The following GRID2 variants were observed in gnomAD, a reference collection of about 807,000 sequenced individuals.
The protein encoded by GRID2 is glutamate receptor ionotropic, delta-2.
GRID2 carries 33 observed loss-of-function variants against 114.8 expected under a neutral mutation model. That is an observed-to-expected ratio of 0.29 (90% CI 0.22 to 0.38). GRID2 has a LOEUF of 0.38. Ranked by LOEUF, GRID2 falls within the 10% of genes least tolerant of loss-of-function variation. The pLI, the probability that GRID2 is intolerant of heterozygous loss-of-function variation, is 1.00. For synonymous variants in GRID2, 505 were observed against 449.9 expected (o/e 1.12, Z -1.55); for missense variants, 1,184 against 1,257.7 (o/e 0.94, Z 0.89).
downstream of GRID2, among the ~76,000 whole-genome samples, chr4:93,778,135 A>G (rs546676324): frequency 3.9e-5 from 6 of 152,300 alleles, no homozygotes; most frequent in Non-Finnish European, 7.4e-5. Flanking sequence ...ACAAAAATTC[A>G]AGTTATCTAA....
chr4:93,238,524 C>A, intron 8 of GRID2, 34 bp downstream of exon 8: 1 of 1,584,720 alleles, frequency 6.3e-7, no homozygotes, highest in South Asian at 1.1e-5. Context: ...TACGCTTTTT[C>A]CTATACTATG....
At chr4:92,695,145 T>C (rs969607904) in intron 2 of GRID2, among the ~76,000 whole-genome samples, 12 of 152,030 alleles carry the variant, frequency 7.9e-5, no homozygotes, top group African/African-American at 1.9e-4. Flanking sequence ...TTTTATATTT[T>C]TGTAGAGACA....
intron 2 of GRID2, among the ~76,000 whole-genome samples, chr4:93,064,944 C>T (rs973473795): frequency 5.3e-5 from 8 of 151,620 alleles, no homozygotes; most frequent in Non-Finnish European, 1.0e-4. Context: ...ATAGATTTGG[C>T]GAATCATTCT....
At chr4:93,651,846 C>A (rs1313489162) in intron 14 of GRID2, among the ~76,000 whole-genome samples, 1 of 152,086 alleles carries the variant, frequency 6.6e-6, no homozygotes. Context: ...GGAGCTATAG[C>A]TTTGAACTAT....
intron 2 of GRID2, among the ~76,000 whole-genome samples, chr4:92,671,298 C>A (rs1168317548): frequency 2.6e-5 from 4 of 151,994 alleles, no homozygotes; most frequent in African/African-American, 7.2e-5. Flanking sequence ...TCCCATGATC[C>A]AAACACCTCC....
intron 2 of GRID2, among the ~76,000 whole-genome samples, chr4:92,751,864 T>G (rs1275083887): frequency 6.6e-6 from 1 of 152,228 alleles, no homozygotes; most frequent in Non-Finnish European, 1.5e-5. Flanking sequence ...GAGTCTAATC[T>G]GAAATATCCT....
intron 8 of GRID2, among the ~76,000 whole-genome samples, chr4:93,296,533 G>C (rs1754329831): frequency 6.6e-6 from 1 of 152,120 alleles, no homozygotes; most frequent in African/African-American, 2.4e-5. Context: ...AGCAGCTGAG[G>C]CAAGGGTGGG....
intron 1 of GRID2, among the ~76,000 whole-genome samples, chr4:92,492,241 G>A (rs1317022817): frequency 2.0e-5 from 3 of 152,050 alleles, no homozygotes; most frequent in Non-Finnish European, 2.9e-5. Context: ...AGACTCTACC[G>A]AACTGTCAAG....
intron 2 of GRID2, among the ~76,000 whole-genome samples, chr4:92,960,489 A>C (rs577125167): frequency 6.6e-6 from 1 of 151,998 alleles, no homozygotes; most frequent in Non-Finnish European, 1.5e-5. Context: ...TTCTTAAAGG[A>C]TTCATCCCTT....
chr4:92,367,117 T>A (rs752135405), intron 1 of GRID2, among the ~76,000 whole-genome samples: 1 of 152,058 alleles, frequency 6.6e-6, no homozygotes, highest in South Asian at 2.1e-4. Context: ...CATGATTAGA[T>A]TCAAATTATG....
intron 2 of GRID2, among the ~76,000 whole-genome samples, chr4:92,866,637 G>T (rs1055239264): frequency 6.6e-6 from 1 of 151,722 alleles, no homozygotes; most frequent in South Asian, 2.1e-4. Flanking sequence ...TCCGCCTCCC[G>T]GGTTCACGCC....
Position 92,375,965 on chromosome 4 carries a change from T to C in GRID2, c.88+71221T>C, listed in dbSNP as rs553029718. On this transcript the variant is annotated intron_variant, in intron 1 of 15. Transcript: ENST00000282020. ...TTTGAAACAAGAAAGTAATGTAAAT[T>C]GAGTAATTCTGAATAAGCGATTCAG... Among the ~76,000 whole-genome samples, 4 of 152,302 alleles carry C rather than the reference T, an allele frequency of 2.6e-5. No individual in the cohort carries two copies. The South Asian group carries it at 8.3e-4, about 32-fold the overall frequency.
intron 1 of GRID2, among the ~76,000 whole-genome samples, chr4:93,785,383 C>T (rs1734571300): frequency 6.6e-6 from 1 of 152,046 alleles, no homozygotes; most frequent in African/African-American, 2.4e-5. Context: ...AGGAAAAGCT[C>T]CCTAGAGAAT....
intron 2 of GRID2, among the ~76,000 whole-genome samples, chr4:92,845,303 C>A (rs1484200003): frequency 2.0e-5 from 3 of 151,912 alleles, no homozygotes; most frequent in Non-Finnish European, 4.4e-5. Flanking sequence ...AAGCAGTAGC[C>A]CTGTAACAAT....
chr4:92,519,956 T>C (rs1724685582), intron 1 of GRID2, among the ~76,000 whole-genome samples: 1 of 151,886 alleles, frequency 6.6e-6, no homozygotes, highest in Admixed American at 6.6e-5. Flanking sequence ...ATTCAAATGT[T>C]AATCTCATCT....
intron 1 of GRID2, among the ~76,000 whole-genome samples, chr4:92,429,298 A>C (rs1187424639): frequency 6.6e-6 from 1 of 152,180 alleles, no homozygotes; most frequent in East Asian, 1.9e-4. Context: ...TGTCTTCATA[A>C]GTTCAATTGT....
intron 2 of GRID2, among the ~76,000 whole-genome samples, chr4:92,710,756 G>GCATA (rs1398427885): frequency 1.3e-5 from 2 of 152,082 alleles, no homozygotes; most frequent in Non-Finnish European, 2.9e-5. Context: ...AAGACAGAAA[G>GCATA]CATACAGACT....
chr4:92,538,435 T>C (rs1196306542), intron 1 of GRID2, among the ~76,000 whole-genome samples: 1 of 152,202 alleles, frequency 6.6e-6, no homozygotes, highest in African/African-American at 2.4e-5. Flanking sequence ...ATGTGCTCAG[T>C]GTTTTTATTA....
Position 93,588,872 on chromosome 4 carries a change from T to C in GRID2, c.2194-37397T>C, listed in dbSNP as rs540232428. 1.6e-3 allele frequency among the ~76,000 whole-genome samples: 247 copies of C among 152,244 alleles called. 2 individuals are homozygous for C. The highest frequency in any genetic ancestry group is 5.6e-3 in the African/African-American group (234 of 41,550). On this transcript the variant is annotated intron_variant, in intron 13 of 15. Coordinates refer to ENST00000282020, the MANE Select transcript of GRID2 (RefSeq NM_001510.4). The stretch of plus-strand genomic sequence containing the variant: ...GACAACACTGGACCTGCTTTCCAGC[T>C]ATACAACAAGCAGCAGGTTCCTGAT...
Sources: gnomAD v4.1 joint callset for allele counts (sites outside exome capture counted in the v4.1 genomes callset) on GRCh38, gnomAD v4.1.1 for gene constraint, MANE v1.5 for transcripts, NCBI Gene and HGNC (gene_info 2026-07-23, HGNC 2026-07-21) for gene names.